WARS2: variants seen among roughly 807,000 people sequenced by gnomAD.
WARS2 encodes the protein tryptophanyl tRNA synthetase 2, mitochondrial.
Under a neutral mutation model 36.5 loss-of-function variants are expected in WARS2, and 28 were observed. The ratio of observed to expected loss-of-function variants is 0.77; its 90% CI spans 0.57 to 1.05. The LOEUF (loss-of-function observed/expected upper bound fraction) is 1.05, where lower values mean the gene tolerates loss of function less well. Ranked by LOEUF, WARS2 falls within the 50% of genes least tolerant of loss-of-function variation. WARS2 has a pLI of 0.00. For synonymous variants in WARS2, 174 were observed against 178.4 expected, an observed-to-expected ratio of 0.98 and a Z score of 0.20; for missense variants, 435 against 456.8, an observed-to-expected ratio of 0.95 and a Z score of 0.44.
intron 1 of WARS2, among the ~76,000 whole-genome samples, chr1:119,129,752 T>C (rs1055133551): frequency 6.6e-6 from 1 of 151,678 alleles, no homozygotes; most frequent in Non-Finnish European, 1.5e-5. Flanking sequence ...ATAAAATAAA[T>C]CCCATTCTCT....
intron 1 of WARS2, among the ~76,000 whole-genome samples, chr1:119,112,599 C>T (rs1654717693): frequency 1.3e-5 from 2 of 152,158 alleles, no homozygotes; most frequent in South Asian, 4.1e-4. Context: ...GTACTGCTAA[C>T]ACAAAAATAC....
At chr1:119,085,206 G>A (rs1256735951) in intron 1 of WARS2, 6 of 827,178 alleles carry the variant, frequency 7.3e-6, no homozygotes, top group African/African-American at 5.0e-5. Flanking sequence ...CCTCCTGCTT[G>A]AGGACCTGTG....
At chr1:119,109,995 G>A (rs955125535) in intron 1 of WARS2, among the ~76,000 whole-genome samples, 1 of 151,560 alleles carries the variant, frequency 6.6e-6, no homozygotes, top group African/African-American at 2.4e-5. Flanking sequence ...CTTCACAGGG[G>A]GTACAAATAC....
At chr1:119,045,708 T>C in intron 2 of WARS2, 46 bp from the exon 3 acceptor site, 2 of 1,470,914 alleles carry the variant, frequency 1.4e-6, no homozygotes, top group Non-Finnish European at 1.9e-6. Context: ...CAGTGTTTTC[T>C]TGCATATAAG....
chr1:119,035,572 G>A (rs1647809353), intron 4 of WARS2, among the ~76,000 whole-genome samples: 1 of 152,018 alleles, frequency 6.6e-6, no homozygotes, highest in Non-Finnish European at 1.5e-5. Flanking sequence ...AAGGACAAAT[G>A]GTAAAATAAA....
intron 1 of WARS2, among the ~76,000 whole-genome samples, chr1:119,079,593 T>C (rs762176969): frequency 2.0e-5 from 3 of 152,204 alleles, no homozygotes; most frequent in Non-Finnish European, 4.4e-5. Flanking sequence ...TTTTTATACC[T>C]AATGCTAGCT....
At chr1:119,134,319 C>CAAAAAAAAAAAAAA (rs761321480) in intron 1 of WARS2, among the ~76,000 whole-genome samples, 33 of 65,834 alleles carry the variant, frequency 5.0e-4, no homozygotes, top group East Asian at 1.1e-3. Flanking sequence ...GGCAAAGGGG[C>CAAAAAAAAAAAAAA]AAAAAAAAAA....
chr1:119,089,775 C>T (rs1034243795), intron 1 of WARS2, among the ~76,000 whole-genome samples: 7 of 152,126 alleles, frequency 4.6e-5, no homozygotes, highest in Non-Finnish European at 8.8e-5. Flanking sequence ...TACATATACA[C>T]CATGAAATTC....
intron 1 of WARS2, among the ~76,000 whole-genome samples, chr1:119,131,786 T>C (rs753994960): frequency 5.9e-5 from 9 of 151,992 alleles, no homozygotes; most frequent in Non-Finnish European, 1.3e-4. Flanking sequence ...TTAAACGTTC[T>C]GTGGGAAGTC....
At chr1:119,077,010 C>A (rs898321042) in intron 1 of WARS2, among the ~76,000 whole-genome samples, 3 of 151,728 alleles carry the variant, frequency 2.0e-5, no homozygotes, top group African/African-American at 7.3e-5. Flanking sequence ...CGTGGTGGTA[C>A]ACCTTTAATG....
chr1:119,115,163 G>A (rs1654880690), intron 1 of WARS2, among the ~76,000 whole-genome samples: 1 of 152,142 alleles, frequency 6.6e-6, no homozygotes, highest in South Asian at 2.1e-4. Flanking sequence ...ACTTGGGGAT[G>A]GGATGAAACA....
chr1:119,126,248 T>C (rs1655646374), intron 1 of WARS2, among the ~76,000 whole-genome samples: 1 of 140,728 alleles, frequency 7.1e-6, no homozygotes, highest in Non-Finnish European at 1.5e-5. Context: ...CTTATACCCC[T>C]TAATAGCTGA....
intron 2 of WARS2, among the ~76,000 whole-genome samples, chr1:119,053,754 G>C (rs930399327): frequency 6.6e-6 from 1 of 152,092 alleles, no homozygotes; most frequent in African/African-American, 2.4e-5. Flanking sequence ...ATTATACAAA[G>C]AACTCTTAAG....
At chr1:119,048,136 G>A (rs1649013121) in intron 2 of WARS2, among the ~76,000 whole-genome samples, 1 of 152,242 alleles carries the variant, frequency 6.6e-6, no homozygotes, top group African/African-American at 2.4e-5. Flanking sequence ...GGGATGAAAG[G>A]TAAATTGCAG....
chr1:119,039,068 A>C lies in WARS2; in HGVS notation c.515+3196T>G, dbSNP rs139083012. Among the ~76,000 whole-genome samples, 439 of 152,316 alleles carry C rather than the reference A, an allele frequency of 2.9e-3. 2 individuals carry two copies. Among genetic ancestry groups the C allele is most frequent in the Admixed American group, 5.5e-3 (84 of 15,308 alleles). On this transcript the variant is annotated intron_variant, in intron 4 of 5. Transcript: ENST00000235521. ...AGCCCAGATACTCACTTTCATCTCT[A>C]TCTGAATGAATTTAGTGGAATCTCT...
At chr1:119,101,211 A>C (rs1336998870) in intron 1 of WARS2, among the ~76,000 whole-genome samples, 2 of 152,114 alleles carry the variant, frequency 1.3e-5, no homozygotes, top group Non-Finnish European at 2.9e-5. Context: ...CACCCTAAGT[A>C]CCCTTACTTG....
chr1:119,062,151 G>A (rs1650433267), intron 2 of WARS2, among the ~76,000 whole-genome samples: 1 of 152,272 alleles, frequency 6.6e-6, no homozygotes, highest in Non-Finnish European at 1.5e-5. Flanking sequence ...AGAAAAAATA[G>A]TTCCTACACC....
At chr1:119,127,985 A>G (rs1655794509) in intron 1 of WARS2, among the ~76,000 whole-genome samples, 1 of 152,168 alleles carries the variant, frequency 6.6e-6, no homozygotes, top group African/African-American at 2.4e-5. Flanking sequence ...CTCTCATTGT[A>G]ACTAACCTTC....
chr1:119,126,890 A>C, intron 1 of WARS2: 2 of 807,000 alleles, frequency 2.5e-6, no homozygotes, highest in Non-Finnish European at 4.3e-6. Context: ...TCCGTACCTG[A>C]TTGTTGCATT....
Sources: allele counts gnomAD v4.1 joint callset (sites outside exome capture counted in the v4.1 genomes callset), GRCh38; gene constraint gnomAD v4.1.1; transcripts MANE v1.5; gene names NCBI Gene and HGNC (gene_info 2026-07-23, HGNC 2026-07-21).